Variants in SPHKAP observed in about 807,000 individuals in gnomAD.
SPHKAP encodes SPHK1 interactor, AKAP domain containing, also known as A-kinase anchor protein SPHKAP.
SPHKAP carries 67 observed loss-of-function variants against 137.5 expected under a neutral mutation model. The ratio of observed to expected loss-of-function variants is 0.49; its 90% CI spans 0.40 to 0.60. SPHKAP has a LOEUF of 0.60. Among genes scored for constraint, SPHKAP ranks in the 20% least tolerant of loss-of-function variants. SPHKAP has a pLI of 0.00. For missense variants in SPHKAP, 2,097 were observed against 2,069.3 expected, an observed-to-expected ratio of 1.01 and a Z score of -0.26; for synonymous variants, 813 against 785.3, an observed-to-expected ratio of 1.04 and a Z score of -0.59.
chr2:228,102,783 C>A (rs148343556), intron 3 of SPHKAP, among the ~76,000 whole-genome samples: 1 of 152,124 alleles, frequency 6.6e-6, no homozygotes, highest in South Asian at 2.1e-4. Flanking sequence ...CACTCTGTCA[C>A]CCCGGCTGGA....
At chr2:228,153,613 C>A (rs1311624719) in intron 1 of SPHKAP, among the ~76,000 whole-genome samples, 1 of 152,052 alleles carries the variant, frequency 6.6e-6, no homozygotes, top group Non-Finnish European at 1.5e-5. Flanking sequence ...GGTCATGTAT[C>A]TTTTATTCTG....
chr2:228,013,496 C>T (rs1430522610), intron 7 of SPHKAP, among the ~76,000 whole-genome samples: 4 of 152,146 alleles, frequency 2.6e-5, no homozygotes, highest in African/African-American at 7.2e-5. Context: ...CCATCTGCCT[C>T]GGCCTCCCAA....
In SPHKAP at chr2:228,019,694, G is replaced by C. The variant is rs1694759932; in HGVS notation, c.1160C>G (p.Thr387Ser). ...TAAATTTGTAGCATACTTGCCAGTGGTGACTTCTCCATCTTGTCTAGGAGG... is the reference window on the plus strand; with the variant it reads ...TAAATTTGTAGCATACTTGCCAGTGCTGACTTCTCCATCTTGTCTAGGAGG... ...ALPPRQDGEV[T>S]TGKYATNLAE... The change falls in exon 7 of 12, where the codon ACC becomes AGC. Residue 387 changes from threonine (T) to serine (S), a missense_variant. Transcript: ENST00000392056. 6.2e-7 allele frequency: 1 copy of C among 1,614,104 alleles called. No individual in the cohort carries two copies. Among genetic ancestry groups the C allele is most frequent in the Non-Finnish European group, 8.5e-7 (1 of 1,180,048 alleles).
chr2:228,126,036 C>T lies in SPHKAP; in HGVS notation c.138+5944G>A, dbSNP rs544806364. ...CAGAGGTTGCAGTGAGCTGAGATCACGCAACTGCACACCAGCCTGGGCAAC... is the reference window on the plus strand; with the variant it reads ...CAGAGGTTGCAGTGAGCTGAGATCATGCAACTGCACACCAGCCTGGGCAAC... On this transcript the variant is annotated intron_variant, in intron 2 of 11. Coordinates refer to ENST00000392056, the MANE Select transcript of SPHKAP (RefSeq NM_001142644.2). Among the ~76,000 whole-genome samples the T allele has an allele frequency of 1.0e-3, 159 of 152,072 alleles. 1 individual carries two copies. The South Asian group carries it at 0.018, about 17-fold the overall frequency.
At chr2:227,988,018 C>G (rs1483904378) in intron 11 of SPHKAP, among the ~76,000 whole-genome samples, 1 of 152,206 alleles carries the variant, frequency 6.6e-6, no homozygotes, top group East Asian at 1.9e-4. Flanking sequence ...TAATGAGACA[C>G]TGCTGTTCTC....
intron 1 of SPHKAP, among the ~76,000 whole-genome samples, chr2:228,161,489 G>A (rs1038423121): frequency 4.6e-5 from 7 of 152,172 alleles, no homozygotes; most frequent in African/African-American, 1.2e-4. Context: ...TCGCTTAAAA[G>A]TGGGAGCTTA....
At chr2:228,071,849 C>G (rs375173171) in intron 3 of SPHKAP, among the ~76,000 whole-genome samples, 3 of 152,020 alleles carry the variant, frequency 2.0e-5, no homozygotes, top group Admixed American at 1.3e-4. Flanking sequence ...GAATCCCCAA[C>G]AGCAGTGTGA....
At chr2:228,059,595 G>A (rs1338836667) in intron 3 of SPHKAP, among the ~76,000 whole-genome samples, 1 of 152,168 alleles carries the variant, frequency 6.6e-6, no homozygotes, top group African/African-American at 2.4e-5. Context: ...AGTGGACTAG[G>A]AGAAGTGGGT....
At position 228,171,388 on chromosome 2, in the gene SPHKAP, C is replaced by T. The variant is rs115297959; in HGVS notation, c.32+10179G>A. 4.7e-3 allele frequency among the ~76,000 whole-genome samples: 714 copies of T among 152,240 alleles called. 5 individuals carry two copies. The highest frequency in any genetic ancestry group is 0.016 in the African/African-American group (670 of 41,544). On this transcript the variant is annotated intron_variant, in intron 1 of 11. Coordinates refer to ENST00000392056, the MANE Select transcript of SPHKAP (RefSeq NM_001142644.2). Reference sequence around the variant, plus strand: ...AGTCCTTTGTAATTCTAATATCCCACATCCAATGGGTTCCCATTTTCCCAA... The same window carrying T: ...AGTCCTTTGTAATTCTAATATCCCATATCCAATGGGTTCCCATTTTCCCAA...
At chr2:228,161,095 T>A (rs1331334764) in intron 1 of SPHKAP, among the ~76,000 whole-genome samples, 1 of 152,184 alleles carries the variant, frequency 6.6e-6, no homozygotes, top group East Asian at 1.9e-4. Flanking sequence ...TGTCATGAAC[T>A]GTGAGGCACT....
chr2:228,158,148 A>C (rs1285587740), intron 1 of SPHKAP, among the ~76,000 whole-genome samples: 1 of 152,172 alleles, frequency 6.6e-6, no homozygotes, highest in Non-Finnish European at 1.5e-5. Context: ...GCCATTATTC[A>C]GTGAAATTCA....
At chr2:228,061,596 ATTAG>A (rs1415816354) in intron 3 of SPHKAP, among the ~76,000 whole-genome samples, 1 of 152,050 alleles carries the variant, frequency 6.6e-6, no homozygotes, top group Non-Finnish European at 1.5e-5. Context: ...ATTGGTCATT[ATTAG>A]TTGGATTCTC....
At chr2:228,085,306 A>G (rs1697502995) in intron 3 of SPHKAP, among the ~76,000 whole-genome samples, 1 of 152,224 alleles carries the variant, frequency 6.6e-6, no homozygotes, top group Non-Finnish European at 1.5e-5. Context: ...TCGTTATTAG[A>G]CAAGAATTGC....
chr2:228,016,369 C>G (rs765685763), intron 7 of SPHKAP, 37 bp downstream of exon 7: 1 of 1,521,230 alleles, frequency 6.6e-7, no homozygotes. Context: ...AAACTCCAGT[C>G]ACATGCACCC....
At chr2:227,985,115 C>T (rs2106151869) in intron 11 of SPHKAP, among the ~76,000 whole-genome samples, 2 of 152,272 alleles carry the variant, frequency 1.3e-5, no homozygotes, top group East Asian at 1.9e-4. Flanking sequence ...AGGAGAGTCT[C>T]TCCAAAGTTG....
In SPHKAP at chr2:228,019,085, G is replaced by A. The variant is rs112738851; in HGVS notation, c.1769C>T (p.Pro590Leu). The A allele has an allele frequency of 2.6e-4, 421 of 1,613,940 alleles. 1 individual carries two copies. The Middle Eastern group carries it at 3.0e-3, about 11-fold the overall frequency. The stretch of plus-strand genomic sequence containing the variant: ...GGCTTCAGAAGCCTCAGCTGCAGGC[G>A]GGAGGCTACCACTTGGAGCCACTGA... ...TCSVAPSGSL[P>L]PAAEASEAMP... The change falls in exon 7 of 12, where the codon CCG becomes CTG. Residue 590 changes from proline (P) to leucine (L), a missense_variant. By Grantham distance (98) the Pro-to-Leu change is moderately conservative. Transcript: ENST00000392056.
intron 1 of SPHKAP, among the ~76,000 whole-genome samples, chr2:228,174,359 G>A (rs536525961): frequency 1.3e-5 from 2 of 151,620 alleles, no homozygotes; most frequent in East Asian, 1.9e-4. Context: ...GGTGAAAAAT[G>A]TCTGAAATAA....
At chr2:228,010,275 G>A (rs188317528) in intron 7 of SPHKAP, among the ~76,000 whole-genome samples, 2 of 152,070 alleles carry the variant, frequency 1.3e-5, no homozygotes, top group African/African-American at 4.8e-5. Flanking sequence ...GCTTATAATC[G>A]CAGCATTTTG....
intron 1 of SPHKAP, among the ~76,000 whole-genome samples, chr2:228,145,249 T>A (rs1005372795): frequency 6.6e-6 from 1 of 152,216 alleles, no homozygotes; most frequent in African/African-American, 2.4e-5. Flanking sequence ...TCTCCTAATG[T>A]GTAAGAATGG....
Sources: allele counts gnomAD v4.1 joint callset (sites outside exome capture counted in the v4.1 genomes callset), GRCh38; gene constraint gnomAD v4.1.1; transcripts MANE v1.5; gene names NCBI Gene and HGNC (gene_info 2026-07-23, HGNC 2026-07-21).